Variants in GUCY2F observed in about 807,000 individuals in gnomAD.
GUCY2F encodes retinal guanylyl cyclase 2.
GUCY2F carries 61 observed loss-of-function variants against 73.1 expected under a neutral mutation model. That is an observed-to-expected ratio of 0.83 (90% CI 0.68 to 1.03). The LOEUF is 1.03. GUCY2F is among the 50% of genes least tolerant of loss of function. The pLI is 0.00. For missense variants in GUCY2F, 912 were observed against 854.3 expected, an observed-to-expected ratio of 1.07 and a Z score of -0.84; for synonymous variants, 331 against 307.8, an observed-to-expected ratio of 1.08 and a Z score of -0.79.
At chrX:109,439,100 G>T (rs1931816204) in intron 7 of GUCY2F, among the ~76,000 whole-genome samples, 2 of 111,971 alleles carry the variant, frequency 1.8e-5, no homozygotes, top group South Asian at 7.6e-4. Context: ...TGTATGGCTT[G>T]CATCTTCCAG....
rs181993498 is a variant in GUCY2F, at chrX:109,444,320, T to A, written c.1570-2838A>T. ...ACTCCAACTGCTCAGGGTAGTACCA[T>A]GTAAATCCATTCTCACCCAGCCAAC... On this transcript the variant is annotated intron_variant, in intron 6 of 19. Coordinates refer to ENST00000218006, the MANE Select transcript of GUCY2F (RefSeq NM_001522.3). Among the ~76,000 whole-genome samples the A allele has an allele frequency of 8.4e-3, 940 of 112,402 alleles. 14 individuals carry two copies. The highest frequency in any genetic ancestry group is 0.029 in the African/African-American group (901 of 31,047).
In GUCY2F at chrX:109,479,700, C is replaced by G. The variant is rs1026428825; in HGVS notation, c.-86+2166G>C. ...TGCTTCTATCTGGTAGATCCAGTTC[C>G]TGATCATTTTTAATTTTGGCCTGGA... is the stretch of plus-strand genomic sequence containing the variant. On this transcript the variant is annotated intron_variant, in intron 1 of 19. Coordinates refer to ENST00000218006, the MANE Select transcript of GUCY2F (RefSeq NM_001522.3). Among the ~76,000 whole-genome samples, 5 of 111,852 alleles carry G rather than the reference C, an allele frequency of 4.5e-5. No homozygotes were observed. In the Admixed American group the frequency reaches 4.7e-4, roughly 11 times the overall value.
chrX:109,416,458 G>C lies in GUCY2F; in HGVS notation c.1792-7290C>G, dbSNP rs150172850. 8.6e-3 allele frequency among the ~76,000 whole-genome samples: 941 copies of C among 109,230 alleles called. 7 individuals are homozygous for C. The highest frequency in any genetic ancestry group is 0.029 in the African/African-American group (868 of 30,167). The allele number at this position is 109,230 out of a possible 115,157, so 94.9% of individuals were successfully genotyped here. A position where few individuals can be genotyped will look rare whatever the true frequency, so the allele number is the denominator to read the frequency against. ...GCTTAGGAAATGACATAAGAGTAAT[G>C]AACTTGAGGAGAGATCAATAAAAAA... On this transcript the variant is annotated intron_variant, in intron 8 of 19. Transcript: ENST00000218006.
At chrX:109,465,882 T>C (rs1157659665) in intron 2 of GUCY2F, among the ~76,000 whole-genome samples, 2 of 112,221 alleles carry the variant, frequency 1.8e-5, no homozygotes, top group Non-Finnish European at 3.8e-5. Context: ...AGGAGACAAG[T>C]CATTTACTTA....
chrX:109,434,804 T>TA (rs1232163048), intron 7 of GUCY2F, among the ~76,000 whole-genome samples: 2 of 111,480 alleles, frequency 1.8e-5, no homozygotes, highest in Non-Finnish European at 3.8e-5. Flanking sequence ...AATTTTTGTA[T>TA]AAGGTGTAAG....
chrX:109,385,724 A>T (rs1171332788), intron 15 of GUCY2F, among the ~76,000 whole-genome samples: 1 of 112,448 alleles, frequency 8.9e-6, no homozygotes, highest in African/African-American at 3.2e-5. Context: ...AATTATTCTA[A>T]AACATTTCAA....
chrX:109,458,697 C>A (rs748772232), intron 3 of GUCY2F, among the ~76,000 whole-genome samples: 4 of 110,804 alleles, frequency 3.6e-5, no homozygotes, highest in Admixed American at 9.6e-5. Context: ...ATATCCCCTG[C>A]AGAGTGCCTG....
chrX:109,464,230 C>A (rs2147281468), intron 3 of GUCY2F, among the ~76,000 whole-genome samples: 1 of 111,776 alleles, frequency 8.9e-6, no homozygotes, highest in South Asian at 3.8e-4. Flanking sequence ...TCTTTGTATT[C>A]ATCCTCTTTG....
intron 17 of GUCY2F, among the ~76,000 whole-genome samples, chrX:109,379,129 A>G (rs1930242290): frequency 8.9e-6 from 1 of 112,500 alleles, no homozygotes; most frequent in Non-Finnish European, 1.9e-5. Flanking sequence ...CAGGCACAGA[A>G]AGGCAAATAC....
At chrX:109,443,308 AT>A (rs892592328) in intron 6 of GUCY2F, among the ~76,000 whole-genome samples, 17 of 110,433 alleles carry the variant, frequency 1.5e-4, no homozygotes, top group East Asian at 2.8e-4. Flanking sequence ...AAAACAATTT[AT>A]TTTTTTTTAT....
chrX:109,389,881 A>T (rs993953092), intron 14 of GUCY2F, among the ~76,000 whole-genome samples: 3 of 111,467 alleles, frequency 2.7e-5, no homozygotes, highest in African/African-American at 9.8e-5. Context: ...CTCATCATGA[A>T]TTACTATAGC....
chrX:109,447,988 A>G, intron 6 of GUCY2F, 81 bp downstream of exon 6: 1 of 515,975 alleles, frequency 1.9e-6, no homozygotes, highest in South Asian at 3.5e-5. Flanking sequence ...CAGACTAGCC[A>G]CACGTCAAGT....
intron 7 of GUCY2F, among the ~76,000 whole-genome samples, chrX:109,430,819 G>T (rs1271299469): frequency 9.0e-6 from 1 of 111,709 alleles, no homozygotes; most frequent in Non-Finnish European, 1.9e-5. Flanking sequence ...ATGTAGGGTG[G>T]GAGATGTAGT....
chrX:109,421,254 A>G (rs1237388194), intron 8 of GUCY2F, among the ~76,000 whole-genome samples: 1 of 111,771 alleles, frequency 8.9e-6, no homozygotes, highest in Non-Finnish European at 1.9e-5. Flanking sequence ...ACTTCCAGAT[A>G]TATGTACAAA....
At chrX:109,415,102 A>T (rs190807193) in intron 8 of GUCY2F, among the ~76,000 whole-genome samples, 1,197 of 107,269 alleles carry the variant, frequency 0.011, 20 homozygotes, top group African/African-American at 0.038. Context: ...AAAATATATT[A>T]AAAAAAAAAC....
At position 109,431,788 on chromosome X, in the gene GUCY2F, G is replaced by T. The variant is rs747056637; in HGVS notation, c.1702-1392C>A. On this transcript the variant is annotated intron_variant, in intron 7 of 19. Coordinates refer to ENST00000218006, the MANE Select transcript of GUCY2F (RefSeq NM_001522.3). ...CATCTGGAAACCTGCCAGAGGCAAAGGCTAATGGAAGCTGCAGGCTTCCGA... is the reference window on the plus strand; with the variant it reads ...CATCTGGAAACCTGCCAGAGGCAAATGCTAATGGAAGCTGCAGGCTTCCGA... 9.3e-4 allele frequency among the ~76,000 whole-genome samples: 102 copies of T among 109,793 alleles called. 1 individual carries two copies. In the Admixed American group the frequency reaches 9.5e-3, roughly 10 times the overall value.
intron 3 of GUCY2F, among the ~76,000 whole-genome samples, chrX:109,459,495 G>A (rs1345017340): frequency 1.8e-5 from 2 of 111,476 alleles, no homozygotes; most frequent in Non-Finnish European, 3.8e-5. Context: ...ATAGGAAACA[G>A]ATTAAATTGA....
chrX:109,378,323 C>T (rs1233499117), intron 17 of GUCY2F, among the ~76,000 whole-genome samples: 1 of 111,428 alleles, frequency 9.0e-6, no homozygotes, highest in African/African-American at 3.3e-5. Flanking sequence ...CTCTTCCTTC[C>T]ATACCACAAA....
intron 3 of GUCY2F, among the ~76,000 whole-genome samples, chrX:109,463,669 C>A (rs1456502971): frequency 1.8e-5 from 2 of 110,631 alleles, no homozygotes; most frequent in Non-Finnish European, 3.8e-5. Context: ...GATCTCCTGA[C>A]CTCGTGATCC....
Sources: gnomAD v4.1 joint callset for allele counts (sites outside exome capture counted in the v4.1 genomes callset) on GRCh38, gnomAD v4.1.1 for gene constraint, MANE v1.5 for transcripts, NCBI Gene and HGNC (gene_info 2026-07-23, HGNC 2026-07-21) for gene names.